The following MTUS2 variants were observed in gnomAD, a reference collection of about 807,000 sequenced individuals.
The protein encoded by MTUS2 is microtubule associated scaffold protein 2.
Under a neutral mutation model 114.1 loss-of-function variants are expected in MTUS2, and 40 were observed. The observed-to-expected ratio is 0.35, with a 90% CI of 0.27 to 0.46. MTUS2 has a LOEUF of 0.46. Ranked by LOEUF, MTUS2 falls within the 20% of genes least tolerant of loss-of-function variation. The pLI, the probability that MTUS2 is intolerant of heterozygous loss-of-function variation, is 1.00. For missense variants in MTUS2, 1,679 were observed against 1,705.4 expected, an observed-to-expected ratio of 0.98 and a Z score of 0.27; for synonymous variants, 688 against 672.0, an observed-to-expected ratio of 1.02 and a Z score of -0.37.
At chr13:29,405,714 T>C (rs1399958850) in intron 8 of MTUS2, among the ~76,000 whole-genome samples, 1 of 151,684 alleles carries the variant, frequency 6.6e-6, no homozygotes. Context: ...TAAAGAATTA[T>C]ATTATGACGA....
At chr13:29,146,774 G>GA (rs1409957611) in intron 5 of MTUS2, among the ~76,000 whole-genome samples, 1 of 152,150 alleles carries the variant, frequency 6.6e-6, no homozygotes, top group African/African-American at 2.4e-5. Context: ...ATCCTACATA[G>GA]ACCTGAGTTA....
Position 28,899,109 on chromosome 13 carries a change from G to A in MTUS2, c.-243+59259G>A, listed in dbSNP as rs566597467. Reference sequence around the variant, plus strand: ...GACATTATTTAGTTTTCTGTTTTGAGGTAATTGTAGATTCACATGCAGTTG... The same window carrying A: ...GACATTATTTAGTTTTCTGTTTTGAAGTAATTGTAGATTCACATGCAGTTG... On this transcript the variant is annotated intron_variant, in intron 2 of 15. Coordinates refer to ENST00000612955, the MANE Select transcript of MTUS2 (RefSeq NM_001033602.4). Among the ~76,000 whole-genome samples, 36 of 152,206 alleles carry A rather than the reference G, an allele frequency of 2.4e-4. 1 individual carries two copies. In the South Asian group the frequency reaches 6.8e-3, roughly 29 times the overall value.
chr13:29,191,350 CAGG>C (rs1566057202), intron 5 of MTUS2, among the ~76,000 whole-genome samples: 1 of 151,886 alleles, frequency 6.6e-6, no homozygotes, highest in Non-Finnish European at 1.5e-5. Flanking sequence ...GAAACTGATA[CAGG>C]AGGAGAATTA....
At chr13:28,923,265 T>C (rs1005928157) in intron 2 of MTUS2, among the ~76,000 whole-genome samples, 1 of 152,244 alleles carries the variant, frequency 6.6e-6, no homozygotes, top group Non-Finnish European at 1.5e-5. Context: ...CCGATTCATC[T>C]CAGTGTTGGT....
At chr13:29,007,470 G>A (rs912600697) in intron 2 of MTUS2, among the ~76,000 whole-genome samples, 5 of 152,136 alleles carry the variant, frequency 3.3e-5, no homozygotes, top group Admixed American at 6.6e-5. Context: ...GTCTTACTGC[G>A]TATTCTTACT....
rs759985108 is a variant in MTUS2 at position 29,359,386 on chromosome 13, A to G, written c.3030A>G (p.Arg1010=). ...RLKERCEQQT[R]QLGVAQGELK... ...AGGAGCGGTGTGAGCAGCAGACCAG[A>G]CAGCTGGGCGTTGCGCAAGGGGAGC... Residue 1010 remains arginine, a synonymous_variant, in exon 8 of 16, where the codon AGA becomes AGG. Transcript: ENST00000612955. 8 of 1,613,556 alleles carry G rather than the reference A, an allele frequency of 5.0e-6. No homozygotes were observed. The Admixed American group carries it at 1.2e-4, about 24-fold the overall frequency.
intron 9 of MTUS2, among the ~76,000 whole-genome samples, chr13:29,466,743 G>T (rs892930917): frequency 2.0e-5 from 3 of 151,926 alleles, no homozygotes; most frequent in African/African-American, 7.3e-5. Context: ...CAGGTGTGGT[G>T]GTGCGTGTCT....
chr13:28,860,082 T>C (rs1876873919), intron 2 of MTUS2, among the ~76,000 whole-genome samples: 1 of 152,166 alleles, frequency 6.6e-6, no homozygotes, highest in African/African-American at 2.4e-5. Flanking sequence ...AGAATTTGCT[T>C]AATTGCCATG....
chr13:28,846,046 T>TAAAA (rs34933871), intron 2 of MTUS2, among the ~76,000 whole-genome samples: 11 of 119,984 alleles, frequency 9.2e-5, no homozygotes, highest in Admixed American at 2.8e-4. Flanking sequence ...GTCTTTTTCT[T>TAAAA]AAAAAAAAAA....
At chr13:29,305,985 T>C (rs1381635882) in intron 6 of MTUS2, among the ~76,000 whole-genome samples, 2 of 152,148 alleles carry the variant, frequency 1.3e-5, no homozygotes, top group Non-Finnish European at 2.9e-5. Context: ...GTTCAACATA[T>C]GCAAATCAAT....
At chr13:29,428,923 C>G (rs1047638410) in intron 8 of MTUS2, 2 of 1,608,644 alleles carry the variant, frequency 1.2e-6, no homozygotes, top group Non-Finnish European at 1.7e-6. Context: ...CTCTCTTCTT[C>G]CCCCTCCTCC....
intron 5 of MTUS2, among the ~76,000 whole-genome samples, chr13:29,194,995 A>G (rs1894620806): frequency 6.6e-6 from 1 of 150,696 alleles, no homozygotes; most frequent in South Asian, 2.1e-4. Flanking sequence ...TATCGCAAGA[A>G]CAAAAAACCA....
intron 2 of MTUS2, among the ~76,000 whole-genome samples, chr13:28,902,835 G>A (rs1435402932): frequency 6.6e-6 from 1 of 152,106 alleles, no homozygotes; most frequent in Non-Finnish European, 1.5e-5. Flanking sequence ...TTATTAAATA[G>A]AATGATTTGG....
At chr13:29,416,366 C>T (rs1875667721) in intron 8 of MTUS2, among the ~76,000 whole-genome samples, 1 of 151,680 alleles carries the variant, frequency 6.6e-6, no homozygotes, top group African/African-American at 2.4e-5. Flanking sequence ...AGACATATAG[C>T]ATTTGTACAT....
At position 29,026,349 on chromosome 13, in the gene MTUS2, C is replaced by G; in HGVS notation, c.1651C>G (p.Pro551Ala). ...TVNMTYQPTT[P>A]SSSFQDVSVF... ...GAACATGACCTACCAGCCTACAACACCCAGTAGCAGTTTTCAGGATGTTAG... is the reference window on the plus strand; with the variant it reads ...GAACATGACCTACCAGCCTACAACAGCCAGTAGCAGTTTTCAGGATGTTAG... The change falls in exon 3 of 16, where the codon CCC (proline) becomes GCC (alanine). Residue 551 changes from proline to alanine, a missense_variant. Coordinates refer to ENST00000612955, the MANE Select transcript of MTUS2 (RefSeq NM_001033602.4). The G allele has an allele frequency of 1.2e-6, 2 of 1,613,994 alleles. No individual in the cohort carries two copies. The highest frequency in any genetic ancestry group is 1.7e-6 in the Non-Finnish European group (2 of 1,179,890).
chr13:29,384,639 G>A (rs4769733), intron 8 of MTUS2, among the ~76,000 whole-genome samples: 91,937 of 152,014 alleles, frequency 0.6, 29,216 homozygotes, highest in East Asian at 0.73. Flanking sequence ...CCTCTTATCT[G>A]CAGTCCTGAC....
chr13:29,294,005 G>T (rs560657613), intron 6 of MTUS2, among the ~76,000 whole-genome samples: 172 of 152,072 alleles, frequency 1.1e-3, no homozygotes, highest in African/African-American at 4.0e-3. Context: ...TTTAAATTTT[G>T]TTCTTTCTAT....
chr13:28,841,295 T>C (rs1875463943), intron 2 of MTUS2, among the ~76,000 whole-genome samples: 1 of 151,696 alleles, frequency 6.6e-6, no homozygotes, highest in Non-Finnish European at 1.5e-5. Flanking sequence ...ACGGGTGGAG[T>C]ATGTGACTGG....
intron 2 of MTUS2, among the ~76,000 whole-genome samples, chr13:29,023,409 A>G (rs914432347): frequency 3.9e-5 from 6 of 152,258 alleles, no homozygotes. Flanking sequence ...CTAGATTTTC[A>G]AATGGTTGAC....
Sources: gnomAD v4.1 joint callset for allele counts (sites outside exome capture counted in the v4.1 genomes callset) on GRCh38, gnomAD v4.1.1 for gene constraint, MANE v1.5 for transcripts, NCBI Gene and HGNC (gene_info 2026-07-23, HGNC 2026-07-21) for gene names.